Variants in CPHXL observed in about 807,000 individuals in gnomAD.
CPHXL encodes cytoplasmic polyadenylated homeobox like.
At chr16:75,718,486 G>A (rs1432319916) in intron 1 of CPHXL, 28 bp from the exon 2 acceptor site, 4 of 398,256 alleles carry the variant, frequency 1.0e-5, no homozygotes, top group Non-Finnish European at 1.8e-5. Flanking sequence ...AGCGAGAAGG[G>A]CATTAGAGAA....
rs1202709007 is a variant in CPHXL at position 75,715,243 on chromosome 16, T to G, written c.220-21A>C. 2.8e-5 allele frequency: 11 copies of G among 398,758 alleles called. No individual in the cohort carries two copies. The East Asian group carries it at 3.9e-4, about 14-fold the overall frequency. 24.7% of individuals were successfully genotyped at this position (398,758 alleles called of 1,614,324 possible). On this transcript the variant is annotated intron_variant, in intron 2 of 2. Coordinates refer to ENST00000640559, the MANE Select transcript of CPHXL (RefSeq NM_001355613.1). ...CAATTCTAGAGAGAAAAGATAATATTGTTTTATTGACTCTACTTATCTGAA... is the reference window on the plus strand; with the variant it reads ...CAATTCTAGAGAGAAAAGATAATATGGTTTTATTGACTCTACTTATCTGAA...
At chr16:75,721,704 A>C (rs1199169908) in intron 1 of CPHXL, among the ~76,000 whole-genome samples, 2 of 152,214 alleles carry the variant, frequency 1.3e-5, no homozygotes, top group African/African-American at 2.4e-5. Flanking sequence ...TGAGACAGAA[A>C]GTTAACAAGG....
chr16:75,726,322 A>G (rs951565138), intron 1 of CPHXL, 96 bp downstream of exon 1: 1 of 398,240 alleles, frequency 2.5e-6, no homozygotes, highest in African/African-American at 2.1e-5. Flanking sequence ...TGCTCCAACA[A>G]TCTGTACCTC....
chr16:75,720,430 C>T (rs1462161731), intron 1 of CPHXL, among the ~76,000 whole-genome samples: 1 of 152,096 alleles, frequency 6.6e-6, no homozygotes, highest in Non-Finnish European at 1.5e-5. Context: ...AGCTGAAAAC[C>T]ACGGCACGAG....
chr16:75,726,035 A>G (rs1959554510), intron 1 of CPHXL, among the ~76,000 whole-genome samples: 1 of 151,358 alleles, frequency 6.6e-6, no homozygotes, highest in Non-Finnish European at 1.5e-5. Context: ...AGGAAAATTA[A>G]TGAAAATTAA....
chr16:75,725,131 C>A (rs1302981725), intron 1 of CPHXL, among the ~76,000 whole-genome samples: 5 of 141,048 alleles, frequency 3.5e-5, no homozygotes, highest in African/African-American at 1.3e-4. Context: ...GTTGTGGGGT[C>A]GGGGGAGGGG....
intron 2 of CPHXL, among the ~76,000 whole-genome samples, chr16:75,715,464 C>T (rs963894934): frequency 1.3e-5 from 2 of 152,128 alleles, no homozygotes; most frequent in African/African-American, 2.4e-5. Flanking sequence ...GACATTGACA[C>T]CATGGTTTAC....
chr16:75,722,806 A>AG (rs1959496932), intron 1 of CPHXL, among the ~76,000 whole-genome samples: 5 of 152,168 alleles, frequency 3.3e-5, no homozygotes, highest in Non-Finnish European at 4.4e-5. Flanking sequence ...CAAAAAGAGA[A>AG]TTTTAGACCA....
chr16:75,722,687 G>C (rs1302564607), intron 1 of CPHXL, among the ~76,000 whole-genome samples: 1 of 152,222 alleles, frequency 6.6e-6, no homozygotes, highest in Non-Finnish European at 1.5e-5. Flanking sequence ...GGAAGAGCTA[G>C]TAACATTCTT....
chr16:75,721,169 C>A (rs1051939845), intron 1 of CPHXL, among the ~76,000 whole-genome samples: 1 of 152,108 alleles, frequency 6.6e-6, no homozygotes, highest in African/African-American at 2.4e-5. Context: ...TTAAGACCAT[C>A]GAGGCTAGGA....
intron 2 of CPHXL, among the ~76,000 whole-genome samples, chr16:75,716,986 C>T (rs1449198207): frequency 6.6e-6 from 1 of 152,230 alleles, no homozygotes; most frequent in Non-Finnish European, 1.5e-5. Context: ...CTCTGACACA[C>T]CTGTCCCTCC....
rs987828242 is a variant in CPHXL at position 75,722,525 on chromosome 16, A to G, written c.25+3893T>C. ...ATCTAGAAGAAATGGATAAATTCCT[A>G]GACACATACACCCTCCCAAGACTAA... On this transcript the variant is annotated intron_variant, in intron 1 of 2. Coordinates refer to ENST00000640559, the MANE Select transcript of CPHXL (RefSeq NM_001355613.1). Among the ~76,000 whole-genome samples the G allele has an allele frequency of 7.2e-5, 11 of 152,258 alleles. No individual in the cohort carries two copies. The East Asian group carries it at 2.1e-3, about 29-fold the overall frequency.
At chr16:75,718,532 C>A in intron 1 of CPHXL, 74 bp from the exon 2 acceptor site, 2 of 397,146 alleles carry the variant, frequency 5.0e-6, no homozygotes. Context: ...GAGTTCCCAA[C>A]AGTGTTAGCA....
Position 75,716,115 on chromosome 16 carries a change from A to G in CPHXL, c.220-893T>C, listed in dbSNP as rs574011646. 6.3e-5 allele frequency among the ~76,000 whole-genome samples: 9 copies of G among 142,600 alleles called. No homozygotes were observed. The East Asian group carries it at 3.0e-3, about 48-fold the overall frequency. 93.6% of individuals were successfully genotyped at this position (142,600 alleles called of 152,430 possible). ...CATCTATTTGTTGTATGACTCTCTGAGGGAAAAAAAAAAACATTTTTCCTC... is the reference window on the plus strand; with the variant it reads ...CATCTATTTGTTGTATGACTCTCTGGGGGAAAAAAAAAAACATTTTTCCTC... On this transcript the variant is annotated intron_variant, in intron 2 of 2. Transcript: ENST00000640559.
chr16:75,722,047 T>C (rs941601017), intron 1 of CPHXL, among the ~76,000 whole-genome samples: 6 of 152,212 alleles, frequency 3.9e-5, no homozygotes, highest in African/African-American at 7.2e-5. Context: ...AGATGTTCTT[T>C]GAAACCAATG....
chr16:75,725,484 G>A (rs1370820227), intron 1 of CPHXL, among the ~76,000 whole-genome samples: 2 of 143,094 alleles, frequency 1.4e-5, no homozygotes, highest in African/African-American at 2.6e-5. Flanking sequence ...ACGGACTCTC[G>A]CTCTGTCGCC....
rs1396497325 is a variant in CPHXL, at chr16:75,718,475, T to C, written c.26-17A>G. ...CTGGGAAACCTGACAAAAGTATAAG[T>C]AGCGAGAAGGGCATTAGAGAATATT... On this transcript the variant is annotated splice_polypyrimidine_tract_variant and intron_variant, in intron 1 of 2. Transcript: ENST00000640559. 9 of 398,418 alleles carry C rather than the reference T, an allele frequency of 2.3e-5. No homozygotes were observed. Among genetic ancestry groups the C allele is most frequent in the Non-Finnish European group, 3.1e-5 (7 of 226,022 alleles). 24.7% of individuals were successfully genotyped at this position (398,418 alleles called of 1,614,324 possible).
intron 1 of CPHXL, among the ~76,000 whole-genome samples, chr16:75,724,248 G>T (rs1390286227): frequency 1.3e-5 from 2 of 152,150 alleles, no homozygotes; most frequent in Admixed American, 1.3e-4. Context: ...CAAAAGCAAT[G>T]GCAACGAAAG....
At chr16:75,718,187 C>G (rs866408248) in intron 2 of CPHXL, 78 bp downstream of exon 2, 1 of 396,190 alleles carries the variant, frequency 2.5e-6, no homozygotes, top group Non-Finnish European at 4.4e-6. Flanking sequence ...CACTGTGCAT[C>G]TGCCTGTGTG....
Sources: allele counts gnomAD v4.1 joint callset (sites outside exome capture counted in the v4.1 genomes callset), GRCh38; gene constraint gnomAD v4.1.1; transcripts MANE v1.5; gene names NCBI Gene and HGNC (gene_info 2026-07-23, HGNC 2026-07-21).